Variants in BCAS3 observed in about 807,000 individuals in gnomAD.
The protein encoded by BCAS3 is BCAS4/BCAS3 fusion.
Under a neutral mutation model 116.1 loss-of-function variants are expected in BCAS3, and 53 were observed. The observed-to-expected ratio is 0.46, with a 90% CI of 0.37 to 0.57. BCAS3 has a LOEUF of 0.57. Among genes scored for constraint, BCAS3 ranks in the 20% least tolerant of loss-of-function variants. The pLI, the probability that BCAS3 is intolerant of heterozygous loss-of-function variation, is 0.00. For synonymous variants in BCAS3, 391 were observed against 408.2 expected (o/e 0.96, Z 0.51); for missense variants, 917 against 1,165.4 (o/e 0.79, Z 3.10).
chr17:60,763,999 A>G (rs910310693), intron 6 of BCAS3, among the ~76,000 whole-genome samples: 35 of 152,136 alleles, frequency 2.3e-4, no homozygotes, highest in Non-Finnish European at 5.9e-5. Context: ...TGTTTATAGT[A>G]TTCTCTGATG....
At chr17:61,168,793 T>A (rs1459021766) in intron 22 of BCAS3, among the ~76,000 whole-genome samples, 1 of 152,244 alleles carries the variant, frequency 6.6e-6, no homozygotes, top group Non-Finnish European at 1.5e-5. Context: ...GCTTATACCT[T>A]ATGTTATCAT....
At position 60,940,189 on chromosome 17, in the gene BCAS3, G is replaced by A. The variant is rs185677908; in HGVS notation, c.1088-7030G>A. Among the ~76,000 whole-genome samples, 19 of 152,222 alleles carry A rather than the reference G, an allele frequency of 1.2e-4. No individual in the cohort carries two copies. In the East Asian group the frequency reaches 3.5e-3, roughly 28 times the overall value. Reference sequence around the variant, plus strand: ...ATTTTTCCACATGAAACAAATAAGGGCAATATCACTGATTTCTAATTTATG... The same window carrying A: ...ATTTTTCCACATGAAACAAATAAGGACAATATCACTGATTTCTAATTTATG... On this transcript the variant is annotated intron_variant, in intron 13 of 23. Transcript: ENST00000407086.
intron 6 of BCAS3, among the ~76,000 whole-genome samples, chr17:60,752,926 C>T (rs1364717025): frequency 6.6e-6 from 1 of 152,074 alleles, no homozygotes; most frequent in Non-Finnish European, 1.5e-5. Flanking sequence ...CTCACTGAAG[C>T]CTCAAACTCC....
rs767688036 is a variant in BCAS3 at position 61,325,615 on chromosome 17, T to G, written c.2426-42712T>G. Among the ~76,000 whole-genome samples, 2 of 152,200 alleles carry G rather than the reference T, an allele frequency of 1.3e-5. No homozygotes were observed. The highest frequency in any genetic ancestry group is 2.9e-5 in the Non-Finnish European group (2 of 68,036). ...AGCACAGCCACTGCCGCAGGGAGCA[T>G]TGATATATGGCCCAAGCAAGGGACT... On this transcript the variant is annotated intron_variant, in intron 22 of 23. Coordinates refer to ENST00000407086, the MANE Select transcript of BCAS3 (RefSeq NM_017679.5). This position sits in a 1 kb window ranked among gnomAD's most constrained non-coding sequence, Gnocchi z 6.4.
rs192408376 is a variant in BCAS3, at chr17:60,940,625, G to A, written c.1088-6594G>A. On this transcript the variant is annotated intron_variant, in intron 13 of 23. Transcript: ENST00000407086. ...GCTATTAACTTTTCTAAATAATTAA[G>A]TAATTTGTAAGTTTGTATCTATACA... Among the ~76,000 whole-genome samples, 13 of 152,302 alleles carry A rather than the reference G, an allele frequency of 8.5e-5. No homozygotes were observed. In the East Asian group the frequency reaches 2.3e-3, roughly 27 times the overall value.
At chr17:60,745,315 TGTTACA>T (rs1021768118) in intron 5 of BCAS3, among the ~76,000 whole-genome samples, 93 of 152,072 alleles carry the variant, frequency 6.1e-4, no homozygotes, top group African/African-American at 2.2e-3. Flanking sequence ...AACACTTATC[TGTTACA>T]ATAATTTATT....
rs532143791 is a variant in BCAS3 at position 60,930,560 on chromosome 17, A to G, written c.1087+6060A>G. Among the ~76,000 whole-genome samples, 3 of 152,144 alleles carry G rather than the reference A, an allele frequency of 2.0e-5. No homozygotes were observed. In the South Asian group the frequency reaches 6.2e-4, roughly 32 times the overall value. Reference sequence around the variant, plus strand: ...CAATCTCCGCCTCCAGGTTCAAGCAATTCTCCTGCCCCAGCCTTCTGAGTA... The same window carrying G: ...CAATCTCCGCCTCCAGGTTCAAGCAGTTCTCCTGCCCCAGCCTTCTGAGTA... On this transcript the variant is annotated intron_variant, in intron 13 of 23. Transcript: ENST00000407086.
chr17:60,715,932 G>A (rs1253619406), intron 5 of BCAS3, among the ~76,000 whole-genome samples: 1 of 149,574 alleles, frequency 6.7e-6, no homozygotes, highest in Admixed American at 6.7e-5. Flanking sequence ...GTGTGATCTC[G>A]GCTCACTGCA....
intron 21 of BCAS3, among the ~76,000 whole-genome samples, chr17:61,081,054 T>C (rs761159408): frequency 3.3e-5 from 5 of 152,230 alleles, no homozygotes; most frequent in Non-Finnish European, 7.3e-5. Context: ...AGGGAGTCAA[T>C]TCTTTGCAGT....
intron 4 of BCAS3, among the ~76,000 whole-genome samples, chr17:60,703,916 CA>C (rs539490885): frequency 9.7e-4 from 69 of 71,344 alleles, no homozygotes; most frequent in Admixed American, 1.6e-3. Context: ...GACACCGTCT[CA>C]AAAAAAAAAA....
At chr17:60,983,990 A>C (rs1348220984) in intron 14 of BCAS3, among the ~76,000 whole-genome samples, 1 of 152,228 alleles carries the variant, frequency 6.6e-6, no homozygotes, top group Non-Finnish European at 1.5e-5. Flanking sequence ...CAGAAAAGTC[A>C]GTTAAGCTGA....
intron 5 of BCAS3, among the ~76,000 whole-genome samples, chr17:60,721,779 A>C (rs2039265825): frequency 6.6e-6 from 1 of 152,214 alleles, no homozygotes; most frequent in East Asian, 1.9e-4. Flanking sequence ...TAACCTTCTA[A>C]CCATCATCCT....
chr17:60,915,460 A>G (rs1309879554), intron 12 of BCAS3, among the ~76,000 whole-genome samples: 1 of 151,992 alleles, frequency 6.6e-6, no homozygotes, highest in Non-Finnish European at 1.5e-5. Flanking sequence ...AAACTGTTTC[A>G]TCAACGCATA....
chr17:61,114,956 C>T (rs879304462), intron 22 of BCAS3, among the ~76,000 whole-genome samples: 3 of 152,050 alleles, frequency 2.0e-5, no homozygotes, highest in Admixed American at 1.3e-4. Flanking sequence ...ACTATCTGAT[C>T]TTTGACAAAT....
rs118033784 is a variant in BCAS3 at position 61,138,077 on chromosome 17, G to T, written c.2425+53513G>T. Among the ~76,000 whole-genome samples, 53 of 152,262 alleles carry T rather than the reference G, an allele frequency of 3.5e-4. No individual in the cohort carries two copies. In the East Asian group the frequency reaches 9.5e-3, roughly 27 times the overall value. On this transcript the variant is annotated intron_variant, in intron 22 of 23. Transcript: ENST00000407086. ...GGACCTGTGAGGCTGGTAATCTTTG[G>T]AATAGCACTGTATGGTAAAACTTTC... is the stretch of plus-strand genomic sequence containing the variant.
At chr17:61,163,863 G>C (rs1343161874) in intron 22 of BCAS3, among the ~76,000 whole-genome samples, 3 of 151,782 alleles carry the variant, frequency 2.0e-5, no homozygotes, top group African/African-American at 7.3e-5. Context: ...GCGCATGCCT[G>C]TAATCCCAGC....
In BCAS3 at chr17:61,332,617, AT is replaced by A. The variant is rs888942897; in HGVS notation, c.2426-35701del. 9.9e-5 allele frequency among the ~76,000 whole-genome samples: 15 copies of A among 151,380 alleles called. No individual in the cohort carries two copies. Among genetic ancestry groups the A allele is most frequent in the Non-Finnish European group, 1.5e-4 (10 of 67,824 alleles). On this transcript the variant is annotated intron_variant, in intron 22 of 23. Coordinates refer to ENST00000407086, the MANE Select transcript of BCAS3 (RefSeq NM_017679.5). The surrounding 1 kb of genome is among the most constrained non-coding windows in gnomAD (Gnocchi z 5.4). Reference sequence around the variant, plus strand: ...ATTATTATCCCCATCTTTTATTATTATTTTTTTTTATTTTTTGAGATAGAGT... The same window carrying A: ...ATTATTATCCCCATCTTTTATTATTATTTTTTTTATTTTTTGAGATAGAGT...
intron 7 of BCAS3, among the ~76,000 whole-genome samples, chr17:60,850,531 G>T (rs2144801484): frequency 6.6e-6 from 1 of 151,668 alleles, no homozygotes; most frequent in Non-Finnish European, 1.5e-5. Context: ...GCTAATTTTT[G>T]TATTTTTAGT....
chr17:61,022,410 A>AT (rs2065940419), intron 16 of BCAS3, among the ~76,000 whole-genome samples: 2 of 151,814 alleles, frequency 1.3e-5, no homozygotes, highest in Non-Finnish European at 2.9e-5. Context: ...CGCTTGGCTA[A>AT]TTTTTTTGTA....
Sources: allele counts gnomAD v4.1 joint callset (sites outside exome capture counted in the v4.1 genomes callset), GRCh38; gene constraint gnomAD v4.1.1; non-coding constraint Gnocchi (gnomAD v3.1); transcripts MANE v1.5; gene names NCBI Gene and HGNC (gene_info 2026-07-23, HGNC 2026-07-21).